RGS8: variants seen among roughly 807,000 people sequenced by gnomAD.
RGS8 encodes the protein regulator of G protein signaling 8.
In RGS8, 8 loss-of-function variants were observed where a neutral mutation model predicts 21.7. That is an observed-to-expected ratio of 0.37 (90% CI 0.22 to 0.66). The LOEUF is 0.66. Among genes scored for constraint, RGS8 ranks in the 30% least tolerant of loss-of-function variants. RGS8 has a pLI of 0.59. For missense variants in RGS8, 157 were observed against 217.9 expected, an observed-to-expected ratio of 0.72 and a Z score of 1.76; for synonymous variants, 80 against 83.6, an observed-to-expected ratio of 0.96 and a Z score of 0.24.
chr1:182,647,878 A>T (rs1393599532), intron 6 of RGS8, among the ~76,000 whole-genome samples: 1 of 152,220 alleles, frequency 6.6e-6, no homozygotes, highest in Non-Finnish European at 1.5e-5. Context: ...ATTCTTGCAA[A>T]ATCTCTGTAG....
the RGS8 span, among the ~76,000 whole-genome samples, chr1:182,743,388 T>A: frequency 8.5e-5 from 13 of 152,172 alleles, no homozygotes; most frequent in African/African-American, 3.1e-4. Flanking sequence ...ATTTTCCTTA[T>A]ATATAGACCA....
the RGS8 span, among the ~76,000 whole-genome samples, chr1:182,717,004 A>C: frequency 6.6e-6 from 1 of 152,210 alleles, no homozygotes; most frequent in African/African-American, 2.4e-5. Context: ...ATTTGGAGGA[A>C]GTGTGTGGTA....
chr1:182,743,319 A>G, the RGS8 span, among the ~76,000 whole-genome samples: 1 of 152,204 alleles, frequency 6.6e-6, no homozygotes, highest in Non-Finnish European at 1.5e-5. Context: ...GACTTGGGAC[A>G]TGTCCTGAAG....
At chr1:182,692,675 C>CAAAAAA in the RGS8 span, among the ~76,000 whole-genome samples, 421 of 26,940 alleles carry the variant, frequency 0.016, no homozygotes, top group Middle Eastern at 0.029. Flanking sequence ...CAATCCTAAG[C>CAAAAAA]AAAAAAAAAA....
upstream of RGS8, chr1:182,672,114 C>T (rs930450288): frequency 4.3e-5 from 10 of 230,626 alleles, no homozygotes; most frequent in African/African-American, 1.6e-4. Flanking sequence ...AGAGGCTGTG[C>T]GGGGGGCAGC....
chr1:182,742,731 AAG>A, the RGS8 span, among the ~76,000 whole-genome samples: 2 of 126,782 alleles, frequency 1.6e-5, no homozygotes, highest in African/African-American at 2.7e-5. Context: ...AGACCGTGGA[AAG>A]AGAGGGAGAG....
intron 1 of RGS8, among the ~76,000 whole-genome samples, chr1:182,678,971 T>C (rs1466199685): frequency 6.6e-6 from 1 of 152,134 alleles, no homozygotes; most frequent in Non-Finnish European, 1.5e-5. Context: ...AATCTATCCA[T>C]ATTACACACA....
chr1:182,712,790 A>G, the RGS8 span: 1 of 152,244 alleles, frequency 6.6e-6, no homozygotes, highest in Non-Finnish European at 1.5e-5. Flanking sequence ...GAGGAAATCA[A>G]TCATTCTACA....
upstream of RGS8, among the ~76,000 whole-genome samples, chr1:182,675,133 C>A (rs79903187): frequency 5.4e-3 from 824 of 152,260 alleles, 14 homozygotes; most frequent in East Asian, 0.028. Flanking sequence ...AATCACTCTC[C>A]CCCATCCTCC....
Position 182,684,186 on chromosome 1 carries a change from C to T in RGS8, n.221+170G>A, listed in dbSNP as rs949001346. On this transcript the variant is annotated intron_variant and non_coding_transcript_variant, in intron 1 of 4. Coordinates refer to the RGS8 transcript ENST00000515211. The surrounding 1 kb of genome is among the most constrained non-coding windows in gnomAD (Gnocchi z 4.2). The stretch of plus-strand genomic sequence containing the variant: ...ACACCCTTGCTCCTGGCGGAGGTGG[C>T]GGGCTTAATAGCTCTGAGGAGTCAG... Among the ~76,000 whole-genome samples the T allele has an allele frequency of 6.6e-6, 1 of 152,194 alleles. No homozygotes were observed. The highest frequency in any genetic ancestry group is 6.5e-5 in the Admixed American group (1 of 15,282).
chr1:182,695,874 A>G, the RGS8 span, among the ~76,000 whole-genome samples: 1 of 152,218 alleles, frequency 6.6e-6, no homozygotes, highest in Non-Finnish European at 1.5e-5. Context: ...TACATTCTGT[A>G]TCTGGTAGAT....
chr1:182,728,571 C>T, the RGS8 span, among the ~76,000 whole-genome samples: 2 of 152,036 alleles, frequency 1.3e-5, no homozygotes, highest in African/African-American at 4.8e-5. Context: ...GTGCTAAAAT[C>T]CTCACCTAAA....
downstream of RGS8, chr1:182,644,767 T>G (rs1168666293): frequency 6.6e-6 from 1 of 152,272 alleles, no homozygotes; most frequent in East Asian, 1.9e-4. Context: ...TGTTAGAGAA[T>G]TTAATCATTA....
the RGS8 span, among the ~76,000 whole-genome samples, chr1:182,697,640 T>G: frequency 6.6e-6 from 1 of 152,340 alleles, no homozygotes; most frequent in African/African-American, 2.4e-5. Context: ...GAATCCTTAT[T>G]GAAAGACAGA....
the RGS8 span, among the ~76,000 whole-genome samples, chr1:182,744,750 G>A: frequency 1.4e-4 from 21 of 152,152 alleles, no homozygotes; most frequent in Non-Finnish European, 2.6e-4. Context: ...ACACGAGAAC[G>A]AAATCACCTA....
At chr1:182,702,179 G>T in the RGS8 span, among the ~76,000 whole-genome samples, 1 of 152,190 alleles carries the variant, frequency 6.6e-6, no homozygotes, top group South Asian at 2.1e-4. Context: ...TCAATGTTGG[G>T]TTGGATAAAG....
the RGS8 span, among the ~76,000 whole-genome samples, chr1:182,737,485 G>A: frequency 6.6e-6 from 1 of 151,938 alleles, no homozygotes. Context: ...TTTTTCCCAG[G>A]CTGTTCTCAT....
At chr1:182,662,573 C>T (rs535769933) in intron 5 of RGS8, among the ~76,000 whole-genome samples, 11 of 152,320 alleles carry the variant, frequency 7.2e-5, no homozygotes, top group African/African-American at 2.4e-4. Context: ...AAAGCATGTT[C>T]CCCAATTAAG....
At chr1:182,731,835 ATTAC>A in the RGS8 span, among the ~76,000 whole-genome samples, 1 of 152,242 alleles carries the variant, frequency 6.6e-6, no homozygotes, top group East Asian at 1.9e-4. Flanking sequence ...ACTGCCACTT[ATTAC>A]TTAGGTGACC....
Sources: allele counts gnomAD v4.1 joint callset (sites outside exome capture counted in the v4.1 genomes callset), GRCh38; gene constraint gnomAD v4.1.1; non-coding constraint Gnocchi (gnomAD v3.1); transcripts MANE v1.5; gene names NCBI Gene and HGNC (gene_info 2026-07-23, HGNC 2026-07-21).